TACC2: variants seen among roughly 807,000 people sequenced by gnomAD.
TACC2 encodes transforming acidic coiled-coil-containing protein 2.
Under a neutral mutation model 227.3 loss-of-function variants are expected in TACC2, and 137 were observed. The observed-to-expected ratio is 0.60, with a 90% confidence interval of 0.52 to 0.69. TACC2 has a LOEUF of 0.69. Among genes scored for constraint, TACC2 ranks in the 30% least tolerant of loss-of-function variants. TACC2 has a pLI of 0.00. For synonymous variants in TACC2, 1,523 were observed against 1,487.5 expected (o/e 1.02, Z -0.55); for missense variants, 3,470 against 3,694.4 (o/e 0.94, Z 1.57).
intron 5 of TACC2, among the ~76,000 whole-genome samples, chr10:122,131,381 A>G (rs1004224786): frequency 6.6e-6 from 1 of 152,080 alleles, no homozygotes; most frequent in Non-Finnish European, 1.5e-5. Context: ...GACCTCCCCG[A>G]TGAAATAATA....
chr10:122,211,491 A>G lies in TACC2; in HGVS notation c.7066A>G (p.Met2356Val). The G allele has an allele frequency of 6.2e-7, 1 of 1,613,966 alleles. No homozygotes were observed. The highest frequency in any genetic ancestry group is 8.5e-7 in the Non-Finnish European group (1 of 1,179,990). Residue 2356 changes from methionine to valine, a missense_variant, in exon 9 of 23, where the codon ATG (methionine) becomes GTG (valine). Met to Val is a conservative substitution (Grantham distance 21, BLOSUM62 1). Around this residue, in one of 10 missense-constraint regions of TACC2, gnomAD observed 593 missense variants for 636.6 expected, o/e 0.93. Transcript: ENST00000369005. ...NFNPFSSTSKMQESPKLPQQS... is the reference protein window; with the variant it reads ...NFNPFSSTSKVQESPKLPQQS... ...TAACCCTTTTTCTTCCACCTCAAAA[A>G]TGCAGGAGTCTCCCAAACTGCCCCA...
intron 8 of TACC2, among the ~76,000 whole-genome samples, chr10:122,206,119 C>T (rs969444223): frequency 4.0e-5 from 6 of 151,844 alleles, no homozygotes; most frequent in African/African-American, 9.7e-5. Context: ...GATGGAGAGG[C>T]GCCAGTGCGG....
At chr10:122,025,801 C>A (rs1957922179) in intron 2 of TACC2, among the ~76,000 whole-genome samples, 1 of 150,752 alleles carries the variant, frequency 6.6e-6, no homozygotes, top group Non-Finnish European at 1.5e-5. Context: ...CTCTCAATCT[C>A]CTGACCTCGT....
intron 3 of TACC2, among the ~76,000 whole-genome samples, chr10:122,065,790 A>G (rs763050582): frequency 3.3e-5 from 5 of 152,158 alleles, no homozygotes; most frequent in Non-Finnish European, 5.9e-5. Flanking sequence ...AAGCTCTGTT[A>G]TTTGATAAAA....
chr10:122,163,692 G>A, intron 7 of TACC2: 1 of 1,091,898 alleles, frequency 9.2e-7, no homozygotes, highest in Non-Finnish European at 1.1e-6. Flanking sequence ...TCGGGCGCGC[G>A]CCGGCCACAC....
Position 122,248,664 on chromosome 10 carries a change from C to A in TACC2, c.8414C>A (p.Ser2805Ter). The A allele has an allele frequency of 1.2e-6, 2 of 1,613,524 alleles. No individual in the cohort carries two copies. Among genetic ancestry groups the A allele is most frequent in the South Asian group, 2.2e-5 (2 of 91,022 alleles). ...CCAGAGGACGAACAGAGAGAGAAGT[C>A]AGTCTCCCACCAGACGGTGCAGCAG... ...QMIEDEQREKSVSHQTVQQLV... is the reference protein window; with the variant it reads ...QMIEDEQREK Residue 2805 changes from serine (S) to a stop codon, truncating the protein, a stop_gained, in exon 20 of 23, where the codon TCA becomes TAA. Transcript: ENST00000369005. LOFTEE classifies it high-confidence loss of function.
intron 5 of TACC2, among the ~76,000 whole-genome samples, chr10:122,095,170 C>T (rs541980719): frequency 5.1e-4 from 77 of 152,262 alleles, no homozygotes; most frequent in African/African-American, 1.8e-3. Flanking sequence ...GGGGACCCTC[C>T]TTAGGAGGGG....
chr10:122,125,499 C>T (rs908565827), intron 5 of TACC2, among the ~76,000 whole-genome samples: 6 of 152,182 alleles, frequency 3.9e-5, no homozygotes, highest in Non-Finnish European at 7.3e-5. Context: ...CATGCCCGTC[C>T]CATGACCTTT....
chr10:122,070,753 C>CA (rs367744186), intron 3 of TACC2, among the ~76,000 whole-genome samples: 64,222 of 99,422 alleles, frequency 0.65, 19,166 homozygotes, highest in Admixed American at 0.74. Context: ...AATTCCGTCT[C>CA]AAAAAAAAAA....
Position 122,150,884 on chromosome 10 carries a change from T to C in TACC2, c.5834+7178T>C, listed in dbSNP as rs17103129. Among the ~76,000 whole-genome samples the C allele has an allele frequency of 0.039, 5,970 of 152,268 alleles. 216 individuals are homozygous for C. Among genetic ancestry groups the C allele is most frequent in the East Asian group, 0.17 (868 of 5,154 alleles). On this transcript the variant is annotated intron_variant, in intron 7 of 22. Transcript: ENST00000369005. The surrounding 1 kb of genome is among the most constrained non-coding windows in gnomAD (Gnocchi z 4.0). ...GGCAGATACATCCCGGTTGATTCTA[T>C]GCCACGGACTATTCGGAAGGTGGCG...
Position 122,249,579 on chromosome 10 carries a change from C to T in TACC2, c.8696C>T (p.Ala2899Val). The T allele has an allele frequency of 6.2e-7, 1 of 1,614,148 alleles. No homozygotes were observed. The highest frequency in any genetic ancestry group is 8.5e-7 in the Non-Finnish European group (1 of 1,180,022). The change falls in exon 22 of 23, where the codon GCC (alanine) becomes GTC (valine). Residue 2899 changes from alanine (A) to valine (V), a missense_variant. This residue lies in a region of TACC2 where 89 missense variants were observed against 91.4 expected (regional missense o/e 0.97). Coordinates refer to ENST00000369005, the MANE Select transcript of TACC2 (RefSeq NM_206862.4). ...NAEIAQVRGK[A>V]QQEQAAHQAS... Reference sequence around the variant, plus strand: ...GAGATTGCTCAGGTTCGAGGCAAGGCCCAGCAGGAGCAAGCCGCCCACCAG... The same window carrying T: ...GAGATTGCTCAGGTTCGAGGCAAGGTCCAGCAGGAGCAAGCCGCCCACCAG...
chr10:121,992,827 C>T (rs1953086604), intron 1 of TACC2, among the ~76,000 whole-genome samples: 1 of 151,938 alleles, frequency 6.6e-6, no homozygotes, highest in Non-Finnish European at 1.5e-5. Flanking sequence ...TGGCAGTGGG[C>T]ACCTGTAGTC....
chr10:122,160,318 C>T (rs969626236), intron 7 of TACC2, among the ~76,000 whole-genome samples: 1 of 152,160 alleles, frequency 6.6e-6, no homozygotes, highest in Non-Finnish European at 1.5e-5. Context: ...AACAGACAGG[C>T]CCCCAGGGGC....
intron 9 of TACC2, among the ~76,000 whole-genome samples, chr10:122,214,814 T>C (rs535507305): frequency 6.6e-6 from 1 of 152,284 alleles, no homozygotes; most frequent in African/African-American, 2.4e-5. Context: ...ATCTCTCCCC[T>C]GGCCCTACCT....
chr10:122,062,603 T>G (rs1490774798), intron 3 of TACC2, among the ~76,000 whole-genome samples: 1 of 152,124 alleles, frequency 6.6e-6, no homozygotes, highest in African/African-American at 2.4e-5. Context: ...CATGAGCTAC[T>G]GTGCCAGGCC....
intron 3 of TACC2, chr10:122,052,710 CT>C (rs2075838788): frequency 6.7e-6 from 1 of 150,354 alleles, no homozygotes; most frequent in Admixed American, 6.6e-5. Context: ...AAACAGGTGC[CT>C]TCCAAGAACA....
chr10:122,021,344 C>T (rs983299218), intron 1 of TACC2, among the ~76,000 whole-genome samples: 8 of 152,062 alleles, frequency 5.3e-5, no homozygotes, highest in Non-Finnish European at 1.2e-4. Context: ...CTCGTCTGGT[C>T]CCAATCTCCC....
Position 122,194,706 on chromosome 10 carries a change from CCTCT to C in TACC2, c.5835-325_5835-322del, listed in dbSNP as rs903726398. 2.6e-5 allele frequency among the ~76,000 whole-genome samples: 4 copies of C among 152,080 alleles called. No homozygotes were observed. The highest frequency in any genetic ancestry group is 3.9e-4 in the East Asian group (2 of 5,172). On this transcript the variant is annotated intron_variant, in intron 7 of 22. Transcript: ENST00000369005. This position sits in a 1 kb window ranked among gnomAD's most constrained non-coding sequence, Gnocchi z 4.4. ...ACAATGGCATCGAACATGCAGAATGCCTCTCTCTCTCTATTTGAATCAATACCTA... is the reference window on the plus strand; with the variant it reads ...ACAATGGCATCGAACATGCAGAATGCCTCTCTCTATTTGAATCAATACCTA...
intron 3 of TACC2, among the ~76,000 whole-genome samples, chr10:122,063,928 G>A (rs1379314614): frequency 6.6e-6 from 1 of 151,838 alleles, no homozygotes; most frequent in African/African-American, 2.4e-5. Flanking sequence ...TTGGGAGGCC[G>A]AGGCAGGTGG....
Sources: gnomAD v4.1 joint callset for allele counts (sites outside exome capture counted in the v4.1 genomes callset) on GRCh38, gnomAD v4.1.1 for gene constraint, gnomAD v4.1.1 regional missense constraint, Gnocchi (gnomAD v3.1) non-coding constraint, MANE v1.5 for transcripts, NCBI Gene and HGNC (gene_info 2026-07-23, HGNC 2026-07-21) for gene names.